HUNK: variants seen among roughly 807,000 people sequenced by gnomAD.
HUNK encodes the protein hormonally up-regulated Neu-associated kinase.
In HUNK, 21 loss-of-function variants were observed where a neutral mutation model predicts 61.0. That is an observed-to-expected ratio of 0.34 (90% CI 0.24 to 0.50). The LOEUF (loss-of-function observed/expected upper bound fraction) is 0.50, where lower values mean the gene tolerates loss of function less well. Ranked by LOEUF, HUNK falls within the 20% of genes least tolerant of loss-of-function variation. The pLI is 0.98. For synonymous variants in HUNK, 371 were observed against 386.1 expected (o/e 0.96, Z 0.46); for missense variants, 772 against 945.7 (o/e 0.82, Z 2.41).
At position 31,939,400 on chromosome 21, in the gene HUNK, T is replaced by TG. The variant is rs1491535215; in HGVS notation, c.555-765_555-764insG. Among the ~76,000 whole-genome samples the TG allele has an allele frequency of 9.4e-5, 5 of 53,092 alleles. No homozygotes were observed. The East Asian group carries it at 1.6e-3, about 17-fold the overall frequency. The allele number at this position is 53,092 out of a possible 152,430, so 34.8% of individuals were successfully genotyped here. A position where few individuals can be genotyped will look rare whatever the true frequency, so the allele number is the denominator to read the frequency against. ...CATCAATTAAGTTGGCTTTCATGTG[T>TG]TTTTTTTTTTTTTTTTTTTTTTTTT... On this transcript the variant is annotated intron_variant, in intron 2 of 10. Transcript: ENST00000270112.
intron 1 of HUNK, among the ~76,000 whole-genome samples, chr21:31,881,341 G>A (rs2052305702): frequency 1.3e-5 from 2 of 152,100 alleles, no homozygotes; most frequent in South Asian, 4.2e-4. Context: ...AATATACAAA[G>A]TATGGCCAGG....
Position 31,998,944 on chromosome 21 carries a change from C to A in HUNK, c.1905C>A (p.Gly635=), listed in dbSNP as rs1273805603. ...EDKNSPPKEE[G]LCCPPPVPSN... Reference sequence around the variant, plus strand: ...AGAACAGCCCCCCAAAAGAGGAGGGCCTGTGTTGCCCACCTCCGGTTCCCA... The same window carrying A: ...AGAACAGCCCCCCAAAAGAGGAGGGACTGTGTTGCCCACCTCCGGTTCCCA... The change falls in exon 11 of 11, where the codon GGC becomes GGA. Residue 635 remains glycine (G), a synonymous_variant. Transcript: ENST00000270112. The A allele has an allele frequency of 6.2e-7, 1 of 1,614,122 alleles. No individual in the cohort carries two copies. Among genetic ancestry groups the A allele is most frequent in the Admixed American group, 1.7e-5 (1 of 60,010 alleles).
rs553507179 is a variant in HUNK, at chr21:31,889,509, A to G, written c.261+15574A>G. ...GTTTCCAGGTTAAAAATTTAATTAG[A>G]GAAACTAGTCGATGACTCAGTTCTC... On this transcript the variant is annotated intron_variant, in intron 1 of 10. Coordinates refer to ENST00000270112, the MANE Select transcript of HUNK (RefSeq NM_014586.2). 3.3e-5 allele frequency among the ~76,000 whole-genome samples: 5 copies of G among 152,358 alleles called. No individual in the cohort carries two copies. The East Asian group carries it at 9.6e-4, about 29-fold the overall frequency.
chr21:31,929,810 C>T (rs892818591), intron 2 of HUNK, among the ~76,000 whole-genome samples: 1 of 152,256 alleles, frequency 6.6e-6, no homozygotes, highest in African/African-American at 2.4e-5. Flanking sequence ...AAAGGGCTCT[C>T]TGCGCTTAAG....
In HUNK at chr21:32,002,530, T is replaced by C. The variant is rs1462970999; in HGVS notation, c.*3346T>C. 1.3e-5 allele frequency: 2 copies of C among 152,218 alleles called. No homozygotes were observed. Among genetic ancestry groups the C allele is most frequent in the African/African-American group, 4.8e-5 (2 of 41,466 alleles). The allele number at this position is 152,218 out of a possible 1,614,324, so 9.4% of individuals were successfully genotyped here. On this transcript the variant is annotated 3_prime_UTR_variant, in exon 11 of 11. Transcript: ENST00000270112. The stretch of plus-strand genomic sequence containing the variant: ...GTCTTTCTGACATACACACTGCAGG[T>C]GGCAGTTCAAGAAGAATCAACCTTT...
At chr21:31,956,746 ACCTGCTGATTT>A (rs2052892005) in intron 4 of HUNK, among the ~76,000 whole-genome samples, 1 of 151,884 alleles carries the variant, frequency 6.6e-6, no homozygotes, top group Admixed American at 6.6e-5. Flanking sequence ...TTTAACAGCA[ACCTGCTGATTT>A]CCTGCCATAG....
At chr21:31,992,401 T>C (rs770669969) in intron 9 of HUNK, among the ~76,000 whole-genome samples, 1 of 152,226 alleles carries the variant, frequency 6.6e-6, no homozygotes, top group Non-Finnish European at 1.5e-5. Context: ...TTTGCAAATG[T>C]CCGTGCACAT....
intron 1 of HUNK, among the ~76,000 whole-genome samples, chr21:31,919,208 GGAGGGGCTGGAATGAGTGGTATGAGGAT>G (rs879428900): frequency 0.046 from 6,878 of 148,284 alleles, 276 homozygotes; most frequent in South Asian, 0.054. Flanking sequence ...GGTATGAGGA[GGAGGGGCTGGAATGAGTGGTATGAGGAT>G]GAGGGGCTGG....
At chr21:31,968,743 TGTGTGTGTGTGAGA>T (rs1373718653) in intron 6 of HUNK, among the ~76,000 whole-genome samples, 26 of 142,600 alleles carry the variant, frequency 1.8e-4, no homozygotes, top group African/African-American at 6.8e-4. Context: ...TGTGTGTGTG[TGTGTGTGTGTGAGA>T]GAGAGAGAGT....
At chr21:31,896,326 A>G (rs2052424839) in intron 1 of HUNK, among the ~76,000 whole-genome samples, 1 of 152,172 alleles carries the variant, frequency 6.6e-6, no homozygotes, top group Non-Finnish European at 1.5e-5. Context: ...ACTTCACCTG[A>G]TTCACGAGAC....
intron 1 of HUNK, among the ~76,000 whole-genome samples, chr21:31,874,637 T>C (rs1601352783): frequency 7.1e-6 from 1 of 141,622 alleles, no homozygotes; most frequent in African/African-American, 2.6e-5. Context: ...CATCCCCTTC[T>C]CTCCGTTCCC....
At chr21:31,952,205 CT>C (rs11284285) in intron 4 of HUNK, among the ~76,000 whole-genome samples, 73,572 of 147,742 alleles carry the variant, frequency 0.5, 19,026 homozygotes, top group Non-Finnish European at 0.6. Context: ...AGTCTACTTT[CT>C]TTTTTTTTTT....
intron 1 of HUNK, among the ~76,000 whole-genome samples, chr21:31,916,175 C>T (rs1283974173): frequency 6.6e-6 from 1 of 151,464 alleles, no homozygotes; most frequent in Non-Finnish European, 1.5e-5. Context: ...CTCAGCCTCC[C>T]GAGTAGCTGG....
chr21:31,909,985 A>G (rs890264468), intron 1 of HUNK, among the ~76,000 whole-genome samples: 3 of 151,900 alleles, frequency 2.0e-5, no homozygotes, highest in African/African-American at 7.3e-5. Flanking sequence ...CATTTCCTTC[A>G]TTGCTCTGGG....
At chr21:31,981,369 A>ATTTTTTT (rs71320222) in intron 7 of HUNK, among the ~76,000 whole-genome samples, 1 of 147,222 alleles carries the variant, frequency 6.8e-6, no homozygotes, top group African/African-American at 2.5e-5. Context: ...AAATGTTAGG[A>ATTTTTTT]TTTTTTTTTT....
At chr21:31,990,375 T>A (rs562298228) in intron 9 of HUNK, among the ~76,000 whole-genome samples, 199 bp downstream of exon 9, 2 of 151,562 alleles carry the variant, frequency 1.3e-5, no homozygotes, top group African/African-American at 2.4e-5. Context: ...GCTTCAAGTC[T>A]GAAGGCCATC....
intron 1 of HUNK, among the ~76,000 whole-genome samples, chr21:31,896,483 C>T (rs1167951881): frequency 6.6e-6 from 1 of 152,184 alleles, no homozygotes; most frequent in Non-Finnish European, 1.5e-5. Flanking sequence ...AAACAATCTC[C>T]TCCTTGAGTA....
At chr21:31,974,517 T>G in intron 6 of HUNK, 38 bp from the exon 7 acceptor site, 1 of 1,592,478 alleles carries the variant, frequency 6.3e-7, no homozygotes, top group Non-Finnish European at 8.6e-7. Context: ...CTCCGTGAAG[T>G]GCAGGGGTGA....
chr21:31,894,913 C>T (rs1009349729), intron 1 of HUNK, among the ~76,000 whole-genome samples: 5 of 152,180 alleles, frequency 3.3e-5, no homozygotes, highest in Non-Finnish European at 7.3e-5. Flanking sequence ...GATCTGCACC[C>T]AGTAGTTAGA....
Sources: gnomAD v4.1 joint callset for allele counts (sites outside exome capture counted in the v4.1 genomes callset) on GRCh38, gnomAD v4.1.1 for gene constraint, MANE v1.5 for transcripts, NCBI Gene and HGNC (gene_info 2026-07-23, HGNC 2026-07-21) for gene names.